CD1B: variants seen among roughly 807,000 people sequenced by gnomAD.
CD1B encodes the protein T-cell surface glycoprotein CD1b.
CD1B carries 43 observed loss-of-function variants against 39.8 expected under a neutral mutation model. That is an observed-to-expected ratio of 1.08 (90% CI 0.85 to 1.39). CD1B has a LOEUF of 1.39. Ranked by LOEUF, CD1B falls within the 40% of genes most tolerant of loss-of-function variation. The pLI is 0.00. For synonymous variants in CD1B, 192 were observed against 152.5 expected, an observed-to-expected ratio of 1.26 and a Z score of -1.91; for missense variants, 495 against 403.8, an observed-to-expected ratio of 1.23 and a Z score of -1.94.
At chr1:158,294,966 T>C in the CD1B span, among the ~76,000 whole-genome samples, 1 of 152,136 alleles carries the variant, frequency 6.6e-6, no homozygotes, top group South Asian at 2.1e-4. Flanking sequence ...GCTTGGGTCC[T>C]GCTTCCATTG....
the CD1B span, among the ~76,000 whole-genome samples, chr1:158,286,367 A>T: frequency 6.6e-6 from 1 of 152,228 alleles, no homozygotes; most frequent in Non-Finnish European, 1.5e-5. Flanking sequence ...CAGTGTAAAG[A>T]GTCTGCCAGT....
the CD1B span, among the ~76,000 whole-genome samples, chr1:158,304,187 C>T: frequency 6.6e-6 from 1 of 152,112 alleles, no homozygotes; most frequent in Non-Finnish European, 1.5e-5. Context: ...ATTCCTTTTC[C>T]TAATCAAAGA....
chr1:158,316,332 T>C, the CD1B span, among the ~76,000 whole-genome samples: 15 of 152,130 alleles, frequency 9.9e-5, no homozygotes, highest in Non-Finnish European at 1.6e-4. Flanking sequence ...TTTTATTTCA[T>C]TGAGCAGTGG....
At chr1:158,300,892 G>A in the CD1B span, among the ~76,000 whole-genome samples, 7 of 150,666 alleles carry the variant, frequency 4.6e-5, no homozygotes, top group African/African-American at 1.5e-4. Context: ...CTGAGTAGCT[G>A]GGACTACAGG....
chr1:158,321,864 C>T, the CD1B span, among the ~76,000 whole-genome samples: 2 of 152,080 alleles, frequency 1.3e-5, no homozygotes, highest in African/African-American at 4.8e-5. Flanking sequence ...CATCCCATTA[C>T]CCAGGTATTA....
the CD1B span, among the ~76,000 whole-genome samples, chr1:158,308,149 A>T: frequency 6.6e-6 from 1 of 152,204 alleles, no homozygotes; most frequent in Non-Finnish European, 1.5e-5. Flanking sequence ...TCAGGATACA[A>T]AGTCAATGTG....
At chr1:158,319,458 G>A in the CD1B span, among the ~76,000 whole-genome samples, 4 of 152,110 alleles carry the variant, frequency 2.6e-5, no homozygotes, top group Non-Finnish European at 4.4e-5. Context: ...GATCGCATCA[G>A]CTCCTGAGGC....
the CD1B span, among the ~76,000 whole-genome samples, chr1:158,317,220 T>G: frequency 2.6e-5 from 4 of 151,876 alleles, no homozygotes; most frequent in Admixed American, 6.6e-5. Context: ...TTGATTGGAA[T>G]AGTTTCAGAA....
At chr1:158,309,186 C>T in the CD1B span, among the ~76,000 whole-genome samples, 1 of 152,212 alleles carries the variant, frequency 6.6e-6, no homozygotes, top group Non-Finnish European at 1.5e-5. Flanking sequence ...TGAACAGACA[C>T]TTCTCAAAAG....
At chr1:158,299,907 A>G in the CD1B span, among the ~76,000 whole-genome samples, 4 of 152,004 alleles carry the variant, frequency 2.6e-5, no homozygotes, top group South Asian at 4.1e-4. Flanking sequence ...CTAGTGGTCT[A>G]TCAATTTTGC....
At chr1:158,306,413 C>A in the CD1B span, among the ~76,000 whole-genome samples, 2 of 152,146 alleles carry the variant, frequency 1.3e-5, no homozygotes, top group Non-Finnish European at 2.9e-5. Context: ...AATACAGGAG[C>A]ACCCAGATTC....
At chr1:158,305,012 C>T in the CD1B span, among the ~76,000 whole-genome samples, 11 of 152,092 alleles carry the variant, frequency 7.2e-5, no homozygotes, top group Non-Finnish European at 1.3e-4. Flanking sequence ...AAACTGGAAA[C>T]TCTAAAAATC....
chr1:158,312,231 A>C, the CD1B span, among the ~76,000 whole-genome samples: 1 of 152,160 alleles, frequency 6.6e-6, no homozygotes, highest in Non-Finnish European at 1.5e-5. Context: ...AGATAATTGA[A>C]TCATGGGGAC....
chr1:158,331,087 G>A, intron 1 of CD1B, 25 bp from the exon 2 acceptor site: 1 of 1,576,812 alleles, frequency 6.3e-7, no homozygotes, highest in Non-Finnish European at 8.6e-7. Context: ...AAAGCAAGAT[G>A]GTGAAGATAA....
rs1217472028 is a variant in CD1B at position 158,329,442 on chromosome 1, C to G, written c.814G>C (p.Gly272Arg). The G allele has an allele frequency of 1.2e-6, 2 of 1,614,074 alleles. No homozygotes were observed. Among genetic ancestry groups the G allele is most frequent in the African/African-American group, 1.3e-5 (1 of 74,922 alleles). Reference sequence around the variant, plus strand: ...CGACAGGACAGGCCAGCCGCCTCCCCATCTGCCACATCCAGGGTTGCTCGG... The same window carrying G: ...CGACAGGACAGGCCAGCCGCCTCCCGATCTGCCACATCCAGGGTTGCTCGG... ...YLRATLDVADGEAAGLSCRVK... is the reference protein window; with the variant it reads ...YLRATLDVADREAAGLSCRVK... Residue 272 changes from glycine to arginine, a missense_variant, in exon 4 of 6, where the codon GGG becomes CGG. By Grantham distance (125) the Gly-to-Arg change is moderately radical. Coordinates refer to ENST00000368168, the MANE Select transcript of CD1B (RefSeq NM_001764.3).
chr1:158,327,501 G>A (rs1280014140), downstream of CD1B, among the ~76,000 whole-genome samples: 4 of 152,138 alleles, frequency 2.6e-5, no homozygotes, highest in Non-Finnish European at 5.9e-5. Flanking sequence ...AAAAAAAATG[G>A]AAGAAAGTAG....
the CD1B span, among the ~76,000 whole-genome samples, chr1:158,322,445 TC>T: frequency 5.3e-5 from 8 of 149,946 alleles, no homozygotes; most frequent in African/African-American, 1.7e-4. Flanking sequence ...GTGTGTGTTT[TC>T]TCGTAAGATG....
chr1:158,310,811 T>C, the CD1B span, among the ~76,000 whole-genome samples: 1 of 151,946 alleles, frequency 6.6e-6, no homozygotes, highest in African/African-American at 2.4e-5. Flanking sequence ...GTCAAAAAAG[T>C]AACAGATTCT....
At chr1:158,318,686 G>A in the CD1B span, among the ~76,000 whole-genome samples, 1 of 152,146 alleles carries the variant, frequency 6.6e-6, no homozygotes, top group Non-Finnish European at 1.5e-5. Flanking sequence ...ATTGTTATGT[G>A]TGAATTTGAT....
Sources: gnomAD v4.1 joint callset for allele counts (sites outside exome capture counted in the v4.1 genomes callset) on GRCh38, gnomAD v4.1.1 for gene constraint, MANE v1.5 for transcripts, NCBI Gene and HGNC (gene_info 2026-07-23, HGNC 2026-07-21) for gene names.